The following ZKSCAN5 variants were observed in gnomAD, a reference collection of about 807,000 sequenced individuals.
The protein encoded by ZKSCAN5 is zinc finger with KRAB and SCAN domains 5.
ZKSCAN5 carries 28 observed loss-of-function variants against 60.0 expected under a neutral mutation model. The ratio of observed to expected loss-of-function variants is 0.47; its 90% CI spans 0.35 to 0.64. The LOEUF (loss-of-function observed/expected upper bound fraction) is 0.64, where lower values mean the gene tolerates loss of function less well. Among genes scored for constraint, ZKSCAN5 ranks in the 30% least tolerant of loss-of-function variants. The pLI is 0.01. For missense variants in ZKSCAN5, 881 were observed against 1,034.6 expected (o/e 0.85, Z 2.04); for synonymous variants, 361 against 371.2 (o/e 0.97, Z 0.31).
chr7:99,528,075 A>G (rs1276507506), intron 6 of ZKSCAN5, among the ~76,000 whole-genome samples: 5 of 149,972 alleles, frequency 3.3e-5, no homozygotes, highest in African/African-American at 1.2e-4. Context: ...AAAGGCCCTT[A>G]CTAATATTCT....
chr7:99,508,819 T>C (rs1187539657), intron 2 of ZKSCAN5, among the ~76,000 whole-genome samples: 22 of 148,750 alleles, frequency 1.5e-4, no homozygotes, highest in African/African-American at 3.7e-4. Context: ...TTCTTTCTTT[T>C]TTTTTTTTTT....
intron 3 of ZKSCAN5, among the ~76,000 whole-genome samples, chr7:99,519,227 G>A (rs2151106113): frequency 6.6e-6 from 1 of 151,258 alleles, no homozygotes; most frequent in East Asian, 1.9e-4. Flanking sequence ...TCCTGCCTCG[G>A]CCTCCCAAAG....
chr7:99,508,192 G>A (rs750183171), intron 2 of ZKSCAN5, among the ~76,000 whole-genome samples: 15 of 151,906 alleles, frequency 9.9e-5, no homozygotes, highest in East Asian at 1.9e-4. Flanking sequence ...CCAGGCACTC[G>A]GGAGGCTGAG....
At chr7:99,514,724 T>C (rs779388779) in intron 3 of ZKSCAN5, among the ~76,000 whole-genome samples, 28 of 151,672 alleles carry the variant, frequency 1.8e-4, no homozygotes, top group Non-Finnish European at 3.5e-4. Flanking sequence ...CTGACCAACA[T>C]GGCAAAACCC....
At position 99,506,172 on chromosome 7, in the gene ZKSCAN5, C is replaced by T; in HGVS notation, c.128C>T (p.Pro43Leu). Reference protein sequence around the residue: ...EDCTWMQEYNPPTFETFYQRF... With the variant: ...EDCTWMQEYNLPTFETFYQRF... Reference sequence around the variant, plus strand: ...TGCACCTGGATGCAGGAGTACAACCCGCCAACGTTTGAGACTTTTTACCAG... The same window carrying T: ...TGCACCTGGATGCAGGAGTACAACCTGCCAACGTTTGAGACTTTTTACCAG... Residue 43 changes from proline (P) to leucine (L), a missense_variant, in exon 2 of 7, where the codon CCG (proline) becomes CTG (leucine). Pro to Leu is a moderately conservative substitution (Grantham distance 98). Coordinates refer to ENST00000326775, the MANE Select transcript of ZKSCAN5 (RefSeq NM_145102.4). The T allele has an allele frequency of 6.2e-7, 1 of 1,614,142 alleles. No individual in the cohort carries two copies. The highest frequency in any genetic ancestry group is 8.5e-7 in the Non-Finnish European group (1 of 1,180,026).
At position 99,505,921 on chromosome 7, in the gene ZKSCAN5, A is replaced by G; in HGVS notation, c.-40-84A>G. On this transcript the variant is annotated intron_variant, in intron 1 of 6. Transcript: ENST00000326775. The stretch of plus-strand genomic sequence containing the variant: ...TCTTTGCCATCTGTCTTTGCTAATA[A>G]TGATGCCCAATACATCAGTAGGTTG... 5.9e-6 allele frequency: 7 copies of G among 1,178,574 alleles called. No individual in the cohort carries two copies. The South Asian group carries it at 6.2e-5, about 10-fold the overall frequency. The allele number at this position is 1,178,574 out of a possible 1,614,324, so 73.0% of individuals were successfully genotyped here.
intron 1 of ZKSCAN5, 148 bp from the exon 2 acceptor site, chr7:99,505,857 A>G (rs1800696776): frequency 3.4e-6 from 2 of 594,760 alleles, no homozygotes; most frequent in South Asian, 2.3e-5. Flanking sequence ...TTTTTAAGTA[A>G]ATTACTTTGT....
intron 2 of ZKSCAN5, among the ~76,000 whole-genome samples, chr7:99,510,187 G>A (rs1028262829): frequency 6.6e-6 from 1 of 151,826 alleles, no homozygotes; most frequent in Admixed American, 6.6e-5. Flanking sequence ...TCCTGCGTTG[G>A]CCTCCCAAGG....
intron 2 of ZKSCAN5, among the ~76,000 whole-genome samples, chr7:99,507,663 C>T (rs1324351262): frequency 1.3e-5 from 2 of 150,456 alleles, no homozygotes; most frequent in Non-Finnish European, 3.0e-5. Context: ...ATTTTGGGCA[C>T]CTGAGGTGGG....
At chr7:99,506,495 A>G (rs1800736906) in intron 2 of ZKSCAN5, 37 bp downstream of exon 2, 9 of 1,565,888 alleles carry the variant, frequency 5.7e-6, no homozygotes, top group Admixed American at 3.7e-5. Context: ...AATGAAGGAG[A>G]GGAGTGAACC....
chr7:99,530,103 G>C (rs890744872), intron 6 of ZKSCAN5, among the ~76,000 whole-genome samples: 1 of 139,876 alleles, frequency 7.1e-6, no homozygotes, highest in African/African-American at 2.7e-5. Flanking sequence ...GCGCAGTCTC[G>C]GCTCACTGCA....
At chr7:99,526,701 C>T (rs542920822) in intron 6 of ZKSCAN5, among the ~76,000 whole-genome samples, 7 of 152,210 alleles carry the variant, frequency 4.6e-5, no homozygotes, top group South Asian at 4.1e-4. Flanking sequence ...ACAACAGGCG[C>T]GCACCAGCAT....
chr7:99,512,394 T>C, intron 2 of ZKSCAN5, 59 bp from the exon 3 acceptor site: 3 of 1,559,096 alleles, frequency 1.9e-6, no homozygotes, highest in Non-Finnish European at 1.7e-6. Flanking sequence ...ATGATTCTAC[T>C]GATTTCTTTC....
At chr7:99,507,070 C>T (rs1800770096) in intron 2 of ZKSCAN5, among the ~76,000 whole-genome samples, 2 of 152,050 alleles carry the variant, frequency 1.3e-5, no homozygotes, top group Admixed American at 1.3e-4. Context: ...AGTAAGTTTT[C>T]CTCCCATCCC....
intron 3 of ZKSCAN5, 67 bp from the exon 4 acceptor site, chr7:99,519,760 G>C (rs917327516): frequency 6.7e-7 from 1 of 1,489,632 alleles, no homozygotes; most frequent in African/African-American, 1.4e-5. Flanking sequence ...GAGCATAAGA[G>C]GAACATGATG....
intron 2 of ZKSCAN5, among the ~76,000 whole-genome samples, chr7:99,506,692 T>C (rs1264825474): frequency 6.6e-6 from 1 of 152,162 alleles, no homozygotes; most frequent in Admixed American, 6.5e-5. Context: ...TATTTAATTA[T>C]TTATTTTTGA....
intron 5 of ZKSCAN5, among the ~76,000 whole-genome samples, chr7:99,523,775 T>C (rs1018286202): frequency 6.6e-6 from 1 of 152,226 alleles, no homozygotes; most frequent in African/African-American, 2.4e-5. Context: ...TCCCTGTTTT[T>C]ACTGTTTCAG....
intron 6 of ZKSCAN5, among the ~76,000 whole-genome samples, chr7:99,530,844 G>C (rs1802009236): frequency 1.3e-5 from 2 of 152,080 alleles, no homozygotes; most frequent in South Asian, 4.1e-4. Flanking sequence ...ATCACCCAAA[G>C]TCAGGAGTTT....
At chr7:99,519,700 C>G in intron 3 of ZKSCAN5, 127 bp from the exon 4 acceptor site, 1 of 784,620 alleles carries the variant, frequency 1.3e-6, no homozygotes, top group Non-Finnish European at 2.1e-6. Flanking sequence ...GTCTTGACAG[C>G]CAGGCAGAAG....
Sources: allele counts gnomAD v4.1 joint callset (sites outside exome capture counted in the v4.1 genomes callset), GRCh38; gene constraint gnomAD v4.1.1; transcripts MANE v1.5; gene names NCBI Gene and HGNC (gene_info 2026-07-23, HGNC 2026-07-21).